The following NDUFA10 variants were observed in gnomAD, a reference collection of about 807,000 sequenced individuals.
NDUFA10 encodes the protein NADH:ubiquinone oxidoreductase subunit A10, also known as NADH dehydrogenase [ubiquinone] 1 alpha subcomplex subunit 10, mitochondrial.
NDUFA10 carries 40 observed loss-of-function variants against 47.8 expected under a neutral mutation model. That is an observed-to-expected ratio of 0.84 (90% CI 0.65 to 1.09). The LOEUF is 1.09. NDUFA10 is among the 50% of genes least tolerant of loss of function. NDUFA10 has a pLI of 0.00. For synonymous variants in NDUFA10, 183 were observed against 172.2 expected, an observed-to-expected ratio of 1.06 and a Z score of -0.49; for missense variants, 413 against 451.1, an observed-to-expected ratio of 0.92 and a Z score of 0.76.
At chr2:239,966,143 C>G (rs1023058024) in intron 9 of NDUFA10, among the ~76,000 whole-genome samples, 3 of 152,208 alleles carry the variant, frequency 2.0e-5, no homozygotes, top group Admixed American at 6.5e-5. Context: ...GGGAGTGTTC[C>G]AGGGCGAGGC....
chr2:239,993,571 A>G (rs1452260602), intron 8 of NDUFA10, among the ~76,000 whole-genome samples: 1 of 152,178 alleles, frequency 6.6e-6, no homozygotes, highest in African/African-American at 2.4e-5. Flanking sequence ...CAGACCTATG[A>G]CTAAATGAAG....
intron 8 of NDUFA10, among the ~76,000 whole-genome samples, chr2:239,995,740 GA>G (rs1696446698): frequency 6.6e-6 from 1 of 152,070 alleles, no homozygotes; most frequent in African/African-American, 2.4e-5. Flanking sequence ...GATAGAAGAG[GA>G]AAAAAGACAC....
rs77999459 is a variant in NDUFA10, at chr2:239,969,952, A to G, written c.1000-8766T>C. Among the ~76,000 whole-genome samples the G allele has an allele frequency of 8.4e-3, 1,286 of 152,290 alleles. 18 individuals are homozygous for G. The highest frequency in any genetic ancestry group is 0.03 in the African/African-American group (1,227 of 41,548). On this transcript the variant is annotated intron_variant, in intron 9 of 9. Transcript: ENST00000252711. ...TGCATGGATACATAAGAGTCCCCAAAAGGGGGAGGATAGAAAAAAATCTGA... is the reference window on the plus strand; with the variant it reads ...TGCATGGATACATAAGAGTCCCCAAGAGGGGGAGGATAGAAAAAAATCTGA...
At chr2:240,001,365 A>C (rs983768472) in intron 8 of NDUFA10, among the ~76,000 whole-genome samples, 2 of 152,258 alleles carry the variant, frequency 1.3e-5, no homozygotes, top group African/African-American at 4.8e-5. Context: ...TACCATAAAC[A>C]GTATCATAAC....
intron 6 of NDUFA10, among the ~76,000 whole-genome samples, chr2:240,010,857 GT>G (rs1226616052): frequency 7.4e-6 from 1 of 134,510 alleles, no homozygotes; most frequent in East Asian, 1.9e-4. Flanking sequence ...CTATACTTTT[GT>G]TTTTATTCAC....
chr2:239,951,950 T>C (rs1434383565), intron 4 of NDUFA10, among the ~76,000 whole-genome samples: 2 of 152,162 alleles, frequency 1.3e-5, no homozygotes, highest in Non-Finnish European at 1.5e-5. Flanking sequence ...TCTCGAGACC[T>C]GAGATGGTGC....
Position 239,960,501 on chromosome 2 carries a change from A to G in NDUFA10, c.*617T>C, listed in dbSNP as rs1219304112. ...TCTTTCTCAACGTCTCTCTTAAAAC[A>G]TATTGTTCTGTAAATCTGTGGTAAT... On this transcript the variant is annotated 3_prime_UTR_variant, in exon 10 of 10. Coordinates refer to ENST00000252711, the MANE Select transcript of NDUFA10 (RefSeq NM_004544.4). 24 of 998,662 alleles carry G rather than the reference A, an allele frequency of 2.4e-5. No homozygotes were observed. The highest frequency in any genetic ancestry group is 2.9e-5 in the Non-Finnish European group (24 of 836,008). 61.9% of individuals were successfully genotyped at this position (998,662 alleles called of 1,614,324 possible). A position where few individuals can be genotyped will look rare whatever the true frequency, so the allele number is the denominator to read the frequency against.
chr2:239,904,105 G>A (rs1559265389), intron 4 of NDUFA10, among the ~76,000 whole-genome samples: 1 of 151,842 alleles, frequency 6.6e-6, no homozygotes, highest in East Asian at 1.9e-4. Context: ...GGGGCAAAAG[G>A]AGGAGGGGTG....
At chr2:239,897,205 T>C (rs1693414884) in intron 4 of NDUFA10, among the ~76,000 whole-genome samples, 1 of 152,222 alleles carries the variant, frequency 6.6e-6, no homozygotes, top group African/African-American at 2.4e-5. Flanking sequence ...TTTCCCAGCA[T>C]GTAGGACACA....
At position 239,958,228 on chromosome 2, in the gene NDUFA10, CAGATTTATATCCAGTGTG is replaced by C. The variant is rs1286739236; in HGVS notation, c.*2872_*2889del. The C allele has an allele frequency of 6.6e-6, 1 of 152,222 alleles. No individual in the cohort carries two copies. Among genetic ancestry groups the C allele is most frequent in the Non-Finnish European group, 1.5e-5 (1 of 68,042 alleles). 9.4% of individuals were successfully genotyped at this position (152,222 alleles called of 1,614,324 possible). On this transcript the variant is annotated 3_prime_UTR_variant, in exon 10 of 10. Coordinates refer to ENST00000252711, the MANE Select transcript of NDUFA10 (RefSeq NM_004544.4). ...TATTTTGCCAAACCCCCAAATCTTG[CAGATTTATATCCAGTGTG>C]AGCACGGACTATGCTTCTTCCCAGA...
At chr2:240,021,158 C>A in intron 3 of NDUFA10, 39 bp downstream of exon 3, 1 of 1,558,182 alleles carries the variant, frequency 6.4e-7, no homozygotes, top group Admixed American at 1.7e-5. Flanking sequence ...GAATAGTGTT[C>A]AAGTACAGAA....
chr2:239,935,835 C>T (rs1459738147), intron 4 of NDUFA10, among the ~76,000 whole-genome samples: 1 of 152,166 alleles, frequency 6.6e-6, no homozygotes, highest in East Asian at 1.9e-4. Context: ...GATTGTGAGG[C>T]CTCCCCAGCC....
At chr2:240,007,201 A>C (rs189383374) in intron 7 of NDUFA10, 115 bp downstream of exon 7, 1 of 812,080 alleles carries the variant, frequency 1.2e-6, no homozygotes, top group Non-Finnish European at 2.1e-6. Flanking sequence ...TTCAGGTGAT[A>C]AAACAGTGAT....
intron 4 of NDUFA10, among the ~76,000 whole-genome samples, chr2:239,925,788 A>G (rs1229064661): frequency 6.6e-6 from 1 of 152,256 alleles, no homozygotes; most frequent in African/African-American, 2.4e-5. Context: ...TCTGAAATAC[A>G]TAAAGAAGGT....
rs1352640499 is a variant in NDUFA10 at position 239,958,559 on chromosome 2, T to C, written c.*2559A>G. ...CTTGCCACAACACCTAGGCAGAACA[T>C]GGAGGTTCCACAGCTGCCTGGTGGA... On this transcript the variant is annotated 3_prime_UTR_variant, in exon 10 of 10. Coordinates refer to ENST00000252711, the MANE Select transcript of NDUFA10 (RefSeq NM_004544.4). The C allele has an allele frequency of 6.6e-6, 1 of 152,212 alleles. No individual in the cohort carries two copies. The highest frequency in any genetic ancestry group is 1.5e-5 in the Non-Finnish European group (1 of 68,046). 9.4% of individuals were successfully genotyped at this position (152,212 alleles called of 1,614,324 possible).
chr2:239,982,244 T>G, intron 9 of NDUFA10: 1 of 1,611,628 alleles, frequency 6.2e-7, no homozygotes, highest in African/African-American at 1.3e-5. Context: ...GAAACAATTC[T>G]GTTCACCTCG....
chr2:240,000,883 C>T (rs1056381903), intron 8 of NDUFA10, among the ~76,000 whole-genome samples: 3 of 152,264 alleles, frequency 2.0e-5, no homozygotes, highest in African/African-American at 7.2e-5. Context: ...AGCATCTACG[C>T]TTGTGTAAAC....
chr2:239,982,038 A>C, intron 9 of NDUFA10: 11 of 1,592,618 alleles, frequency 6.9e-6, no homozygotes, highest in Non-Finnish European at 9.4e-6. Context: ...CTTCTGCTCT[A>C]ATAGTCACAC....
intron 4 of NDUFA10, among the ~76,000 whole-genome samples, chr2:239,910,424 G>A (rs11896757): frequency 0.44 from 66,410 of 151,972 alleles, 16,568 homozygotes; most frequent in African/African-American, 0.69. Flanking sequence ...AGGGACATGG[G>A]TGGAGCTGGA....
Sources: allele counts gnomAD v4.1 joint callset (sites outside exome capture counted in the v4.1 genomes callset), GRCh38; gene constraint gnomAD v4.1.1; transcripts MANE v1.5; gene names NCBI Gene and HGNC (gene_info 2026-07-23, HGNC 2026-07-21).